The following TRDN variants were observed in gnomAD, a reference collection of about 807,000 sequenced individuals.
TRDN encodes the protein triadin in skeletal muscle.
In TRDN, 161 loss-of-function variants were observed where a neutral mutation model predicts 149.7. The ratio of observed to expected loss-of-function variants is 1.08; its 90% CI spans 0.95 to 1.23. TRDN has a LOEUF of 1.23. Among genes scored for constraint, TRDN ranks in the 50% most tolerant of loss-of-function variants. The probability of loss-of-function intolerance (pLI) is 0.00; values close to 1 mark genes in which losing one functional copy is unlikely to be tolerated. For missense variants in TRDN, 896 were observed against 823.5 expected, an observed-to-expected ratio of 1.09 and a Z score of -1.08; for synonymous variants, 294 against 250.5, an observed-to-expected ratio of 1.17 and a Z score of -1.64.
At chr6:123,499,738 A>ATG (rs1778617576) in intron 8 of TRDN, among the ~76,000 whole-genome samples, 1 of 121,530 alleles carries the variant, frequency 8.2e-6, no homozygotes, top group Non-Finnish European at 1.8e-5. Flanking sequence ...ATATATATAT[A>ATG]TATATAGTTA....
At position 123,390,422 on chromosome 6, in the gene TRDN, T is replaced by C. The variant is rs187215785; in HGVS notation, c.1106-1871A>G. ...TGCATGTATGCACATGTATCTTCTTTTTTCCCATTCTTATATATTTGATAG... is the reference window on the plus strand; with the variant it reads ...TGCATGTATGCACATGTATCTTCTTCTTTCCCATTCTTATATATTTGATAG... On this transcript the variant is annotated intron_variant, in intron 13 of 40. Transcript: ENST00000334268. 1.4e-3 allele frequency among the ~76,000 whole-genome samples: 212 copies of C among 152,298 alleles called. 1 individual carries two copies. Among genetic ancestry groups the C allele is most frequent in the Non-Finnish European group, 2.7e-3 (182 of 68,012 alleles).
chr6:123,522,096 G>A (rs762929551), intron 5 of TRDN, among the ~76,000 whole-genome samples: 5 of 152,040 alleles, frequency 3.3e-5, no homozygotes, highest in Non-Finnish European at 7.4e-5. Context: ...CTCTGAAGCT[G>A]ACCATATGCT....
At chr6:123,319,275 T>G (rs1367435482) in intron 23 of TRDN, among the ~76,000 whole-genome samples, 2 of 151,906 alleles carry the variant, frequency 1.3e-5, no homozygotes, top group African/African-American at 4.8e-5. Context: ...AAGGCAGGAA[T>G]TGATATGTGA....
chr6:123,260,907 G>T (rs917448253), intron 33 of TRDN, among the ~76,000 whole-genome samples: 2 of 151,484 alleles, frequency 1.3e-5, no homozygotes, highest in African/African-American at 4.8e-5. Flanking sequence ...AGGTTAGATA[G>T]AATAAACAAG....
intron 8 of TRDN, among the ~76,000 whole-genome samples, chr6:123,497,668 T>G (rs1206881788): frequency 6.6e-6 from 1 of 152,152 alleles, no homozygotes; most frequent in Non-Finnish European, 1.5e-5. Flanking sequence ...TATCAAATAC[T>G]CAGTTCCAGC....
chr6:123,307,702 C>A lies in TRDN; in HGVS notation c.1510+8755G>T, dbSNP rs142625273. On this transcript the variant is annotated intron_variant, in intron 24 of 40. Transcript: ENST00000334268. ...ACATTGATACTGACTCCTGACATTC[C>A]CACTTTTTCCTGAAAGTGTTTCCAC... is the stretch of plus-strand genomic sequence containing the variant. Among the ~76,000 whole-genome samples the A allele has an allele frequency of 4.6e-3, 704 of 151,972 alleles. 3 individuals carry two copies. The highest frequency in any genetic ancestry group is 0.034 in the Middle Eastern group (10 of 294).
At chr6:123,628,229 AT>A (rs1178372625) in intron 1 of TRDN, among the ~76,000 whole-genome samples, 6 of 152,114 alleles carry the variant, frequency 3.9e-5, no homozygotes, top group African/African-American at 7.2e-5. Context: ...AAGTAAAGAT[AT>A]GCAACTCTTC....
At chr6:123,618,123 A>G (rs1371267054) in intron 1 of TRDN, among the ~76,000 whole-genome samples, 2 of 152,198 alleles carry the variant, frequency 1.3e-5, no homozygotes, top group Admixed American at 6.5e-5. Context: ...AGAGAGTTAT[A>G]GTAATCAGAT....
intron 9 of TRDN, among the ~76,000 whole-genome samples, chr6:123,474,568 A>T (rs565898740): frequency 1.4e-3 from 219 of 152,300 alleles, no homozygotes; most frequent in African/African-American, 5.1e-3. Flanking sequence ...CTCTGCACCA[A>T]GCCGACCTAA....
intron 19 of TRDN, among the ~76,000 whole-genome samples, chr6:123,372,338 C>A (rs1781355961): frequency 6.6e-6 from 1 of 152,088 alleles, no homozygotes; most frequent in African/African-American, 2.4e-5. Flanking sequence ...ATCTGACTCA[C>A]ATTTAGGCAC....
At chr6:123,527,106 G>C in intron 5 of TRDN, among the ~76,000 whole-genome samples, 1 of 151,884 alleles carries the variant, frequency 6.6e-6, no homozygotes, top group Non-Finnish European at 1.5e-5. Context: ...TTCTAACCCA[G>C]ATAATTTAAT....
chr6:123,479,985 A>G (rs1311829445), intron 9 of TRDN, among the ~76,000 whole-genome samples: 2 of 152,258 alleles, frequency 1.3e-5, no homozygotes, highest in East Asian at 3.9e-4. Flanking sequence ...CGCAATATTC[A>G]AAGTTATAAT....
intron 10 of TRDN, among the ~76,000 whole-genome samples, chr6:123,447,020 G>A (rs1775422533): frequency 6.6e-6 from 1 of 152,044 alleles, no homozygotes; most frequent in Non-Finnish European, 1.5e-5. Context: ...TAATTAGGTT[G>A]CTATGACAGA....
intron 38 of TRDN, among the ~76,000 whole-genome samples, chr6:123,231,196 G>C (rs1775587775): frequency 6.6e-6 from 1 of 151,938 alleles, no homozygotes; most frequent in South Asian, 2.1e-4. Flanking sequence ...GAAATAGGAT[G>C]CTACTTAGAA....
At chr6:123,517,085 G>T (rs965723149) in intron 5 of TRDN, among the ~76,000 whole-genome samples, 1 of 152,152 alleles carries the variant, frequency 6.6e-6, no homozygotes, top group African/African-American at 2.4e-5. Flanking sequence ...ATGACTAGTG[G>T]ATGCTAAGCA....
At chr6:123,271,871 C>A (rs943791925) in intron 29 of TRDN, among the ~76,000 whole-genome samples, 1 of 151,930 alleles carries the variant, frequency 6.6e-6, no homozygotes, top group Non-Finnish European at 1.5e-5. Context: ...GTTGTTCCTA[C>A]AAGACAATGC....
rs887148783 is a variant in TRDN, at chr6:123,217,454, T to C, written c.*1147A>G. 1 of 151,932 alleles carries C rather than the reference T, an allele frequency of 6.6e-6. No individual in the cohort carries two copies. Among genetic ancestry groups the C allele is most frequent in the Non-Finnish European group, 1.5e-5 (1 of 67,932 alleles). The allele number at this position is 151,932 out of a possible 1,614,324, so 9.4% of individuals were successfully genotyped here. On this transcript the variant is annotated 3_prime_UTR_variant, in exon 41 of 41. Coordinates refer to ENST00000334268, the MANE Select transcript of TRDN (RefSeq NM_006073.4). ...ATGATAAAGGTCACAGAGGCATGAC[T>C]TTTAGAGTTGATAAAAACAATGTAG...
intron 1 of TRDN, among the ~76,000 whole-genome samples, chr6:123,621,073 C>T (rs1427495241): frequency 6.6e-6 from 1 of 152,080 alleles, no homozygotes; most frequent in Non-Finnish European, 1.5e-5. Flanking sequence ...AAGTAAAATG[C>T]TTGGCAATGA....
At chr6:123,378,056 A>G (rs1174394975) in intron 16 of TRDN, among the ~76,000 whole-genome samples, 158 bp from the exon 17 acceptor site, 2 of 152,152 alleles carry the variant, frequency 1.3e-5, no homozygotes, top group African/African-American at 2.4e-5. Context: ...TATATACTTA[A>G]AATAATTCTT....
Sources: allele counts gnomAD v4.1 joint callset (sites outside exome capture counted in the v4.1 genomes callset), GRCh38; gene constraint gnomAD v4.1.1; transcripts MANE v1.5; gene names NCBI Gene and HGNC (gene_info 2026-07-23, HGNC 2026-07-21).